Variants in KCNH1 observed in about 807,000 individuals in gnomAD.
The protein encoded by KCNH1 is potassium voltage-gated channel subfamily H member 1.
Under a neutral mutation model 69.2 loss-of-function variants are expected in KCNH1, and 27 were observed. The observed-to-expected ratio is 0.39, with a 90% CI of 0.29 to 0.54. KCNH1 has a LOEUF of 0.54. Among genes scored for constraint, KCNH1 ranks in the 20% least tolerant of loss-of-function variants. KCNH1 has a pLI of 0.68. For missense variants in KCNH1, 798 were observed against 1,261.6 expected (o/e 0.63, Z 5.57); for synonymous variants, 456 against 487.7 (o/e 0.93, Z 0.86).
At chr1:210,863,449 T>C (rs1686024966) in intron 7 of KCNH1, among the ~76,000 whole-genome samples, 1 of 152,162 alleles carries the variant, frequency 6.6e-6, no homozygotes, top group Admixed American at 6.5e-5. Flanking sequence ...GGACTTGACA[T>C]CATATTAAAC....
At chr1:210,917,537 A>G (rs1485112165) in intron 7 of KCNH1, among the ~76,000 whole-genome samples, 2 of 152,254 alleles carry the variant, frequency 1.3e-5, no homozygotes, top group African/African-American at 4.8e-5. Flanking sequence ...ATATGCCACC[A>G]TAACTATTTT....
intron 5 of KCNH1, among the ~76,000 whole-genome samples, chr1:211,053,700 C>A (rs1054937279): frequency 1.3e-5 from 2 of 152,072 alleles, no homozygotes; most frequent in African/African-American, 2.4e-5. Flanking sequence ...TTGGCCTGAA[C>A]CAGGCGAAAC....
intron 7 of KCNH1, among the ~76,000 whole-genome samples, chr1:210,875,371 GA>G (rs1686347496): frequency 6.6e-6 from 1 of 152,160 alleles, no homozygotes; most frequent in African/African-American, 2.4e-5. Flanking sequence ...ATAATGATTA[GA>G]AAATGAGTTA....
chr1:211,073,128 CAGAG>C (rs376407797), intron 5 of KCNH1, among the ~76,000 whole-genome samples: 11 of 152,174 alleles, frequency 7.2e-5, no homozygotes, highest in African/African-American at 2.6e-4. Context: ...TTATCAGAAA[CAGAG>C]AGGGGCATTA....
chr1:210,847,172 C>T (rs1448574092), intron 7 of KCNH1, among the ~76,000 whole-genome samples: 8 of 152,132 alleles, frequency 5.3e-5, no homozygotes, highest in African/African-American at 1.7e-4. Context: ...GTCAGTGTGG[C>T]GATTCCTCAG....
intron 6 of KCNH1, among the ~76,000 whole-genome samples, chr1:210,960,873 T>G (rs967622693): frequency 6.6e-6 from 1 of 152,204 alleles, no homozygotes; most frequent in Non-Finnish European, 1.5e-5. Context: ...CTACCAGAAA[T>G]GTAGGAGAGT....
chr1:210,938,747 C>T (rs1687826050), intron 6 of KCNH1, among the ~76,000 whole-genome samples: 1 of 152,156 alleles, frequency 6.6e-6, no homozygotes, highest in African/African-American at 2.4e-5. Flanking sequence ...CTCAATATCC[C>T]AGTGGGAAGA....
chr1:210,794,531 A>C (rs953210763), intron 9 of KCNH1, among the ~76,000 whole-genome samples: 4 of 152,220 alleles, frequency 2.6e-5, no homozygotes, highest in African/African-American at 4.8e-5. Flanking sequence ...ACAATAAATC[A>C]AGCCCTGGTT....
intron 6 of KCNH1, among the ~76,000 whole-genome samples, chr1:211,005,941 T>C (rs941780516): frequency 3.3e-4 from 50 of 152,238 alleles, no homozygotes; most frequent in African/African-American, 1.2e-3. Flanking sequence ...CACAAGCACT[T>C]CATAAAAGAG....
At chr1:210,809,207 A>C (rs895336915) in intron 7 of KCNH1, among the ~76,000 whole-genome samples, 3 of 152,190 alleles carry the variant, frequency 2.0e-5, no homozygotes, top group African/African-American at 7.2e-5. Context: ...GCAAAAACAC[A>C]TATCTTTATC....
chr1:211,004,844 T>G (rs923303833), intron 6 of KCNH1, among the ~76,000 whole-genome samples: 2 of 152,104 alleles, frequency 1.3e-5, no homozygotes, highest in African/African-American at 4.8e-5. Flanking sequence ...TGTTGCTCTA[T>G]TAATATCACA....
chr1:210,865,014 C>A lies in KCNH1; in HGVS notation c.1462+54626G>T, dbSNP rs372060121. On this transcript the variant is annotated intron_variant, in intron 7 of 10. Coordinates refer to ENST00000271751, the MANE Select transcript of KCNH1 (RefSeq NM_172362.3). ...GTGTCCCAAACAAATCACACAGAAT[C>A]TGTATGACCTTTGATGACTTAGCCT... 2.0e-5 allele frequency among the ~76,000 whole-genome samples: 3 copies of A among 152,336 alleles called. No individual in the cohort carries two copies. In the East Asian group the frequency reaches 5.8e-4, roughly 29 times the overall value.
intron 7 of KCNH1, among the ~76,000 whole-genome samples, chr1:210,808,584 C>T (rs1416080551): frequency 6.6e-6 from 1 of 151,940 alleles, no homozygotes; most frequent in Non-Finnish European, 1.5e-5. Flanking sequence ...AAAATAGCGA[C>T]ATGTTCTCAC....
At chr1:210,841,047 A>T (rs1231994288) in intron 7 of KCNH1, among the ~76,000 whole-genome samples, 2 of 152,098 alleles carry the variant, frequency 1.3e-5, no homozygotes, top group Non-Finnish European at 2.9e-5. Flanking sequence ...TAGCCTCTGC[A>T]AAAACCTGTT....
At chr1:210,798,871 A>G (rs932370333) in intron 8 of KCNH1, among the ~76,000 whole-genome samples, 7 of 152,208 alleles carry the variant, frequency 4.6e-5, no homozygotes, top group Admixed American at 3.3e-4. Flanking sequence ...AACATTTACT[A>G]AGCACTTGCT....
chr1:210,988,753 G>C (rs1422858495), intron 6 of KCNH1, among the ~76,000 whole-genome samples: 1 of 152,232 alleles, frequency 6.6e-6, no homozygotes, highest in Non-Finnish European at 1.5e-5. Context: ...CAGTGAAGCA[G>C]TGTTCATGTT....
At chr1:210,790,415 C>G (rs1684190434) in intron 9 of KCNH1, among the ~76,000 whole-genome samples, 1 of 152,192 alleles carries the variant, frequency 6.6e-6, no homozygotes, top group Non-Finnish European at 1.5e-5. Context: ...AATCGCCTCT[C>G]TTGCTTTCCT....
intron 10 of KCNH1, among the ~76,000 whole-genome samples, chr1:210,694,425 A>T (rs937346231): frequency 5.5e-5 from 8 of 145,840 alleles, no homozygotes; most frequent in African/African-American, 1.5e-4. Flanking sequence ...GAGGCACTGG[A>T]TCTGAAGCCA....
In KCNH1 at chr1:211,015,262, G is replaced by C. The variant is rs959957174; in HGVS notation, c.1032+3521C>G. Among the ~76,000 whole-genome samples, 7 of 152,148 alleles carry C rather than the reference G, an allele frequency of 4.6e-5. No individual in the cohort carries two copies. The East Asian group carries it at 1.3e-3, about 29-fold the overall frequency. On this transcript the variant is annotated intron_variant, in intron 6 of 10. Transcript: ENST00000271751. ...CATCAGAAACTTCCTGGTCAGTTTT[G>C]ACTCAACTGTCCTTCATTAAGTGTT...
Sources: allele counts gnomAD v4.1 joint callset (sites outside exome capture counted in the v4.1 genomes callset), GRCh38; gene constraint gnomAD v4.1.1; transcripts MANE v1.5; gene names NCBI Gene and HGNC (gene_info 2026-07-23, HGNC 2026-07-21).